The following LY96 variants were observed in gnomAD, a reference collection of about 807,000 sequenced individuals.
LY96 encodes lymphocyte antigen 96, also known as myeloid differentiation protein-2.
Under a neutral mutation model 18.9 loss-of-function variants are expected in LY96, and 18 were observed. The ratio of observed to expected loss-of-function variants is 0.95; its 90% confidence interval spans 0.66 to 1.41. The LOEUF (loss-of-function observed/expected upper bound fraction) is 1.41. Among genes scored for constraint, LY96 ranks in the 40% most tolerant of loss-of-function variants. The pLI is 0.00. For missense variants in LY96, 175 were observed against 182.4 expected (o/e 0.96, Z 0.23); for synonymous variants, 66 against 62.6 (o/e 1.06, Z -0.26).
downstream of LY96, among the ~76,000 whole-genome samples, chr8:74,029,840 A>G (rs1392158061): frequency 6.6e-6 from 1 of 152,038 alleles, no homozygotes; most frequent in African/African-American, 2.4e-5. Context: ...TTGTATTTTT[A>G]GTGGAGATGG....
the LY96 span, among the ~76,000 whole-genome samples, chr8:74,055,637 T>A: frequency 6.6e-6 from 1 of 152,154 alleles, no homozygotes; most frequent in East Asian, 1.9e-4. Flanking sequence ...ACTTTGCAGT[T>A]ATAATCAAGG....
the LY96 span, among the ~76,000 whole-genome samples, chr8:74,054,617 C>CTTCTTTTTTTCTTTCT: frequency 1.1e-4 from 8 of 70,098 alleles, no homozygotes; most frequent in African/African-American, 4.4e-4. Context: ...TTTCCTTTTC[C>CTTCTTTTTTTCTTTCT]TTCTTTCTTT....
At chr8:74,070,141 G>C in the LY96 span, among the ~76,000 whole-genome samples, 3 of 151,382 alleles carry the variant, frequency 2.0e-5, no homozygotes, top group Middle Eastern at 3.5e-3. Flanking sequence ...GCCCAGGCTA[G>C]AGTGCAGTGG....
At chr8:74,027,900 CCT>C (rs1465611991) in intron 4 of LY96, among the ~76,000 whole-genome samples, 1 of 152,144 alleles carries the variant, frequency 6.6e-6, no homozygotes, top group Non-Finnish European at 1.5e-5. Flanking sequence ...TATCTTGTCT[CCT>C]GCTAAATCAT....
the LY96 span, among the ~76,000 whole-genome samples, chr8:74,054,975 T>C: frequency 6.6e-6 from 1 of 152,108 alleles, no homozygotes; most frequent in Admixed American, 6.6e-5. Context: ...GGCCTGATCA[T>C]GACCTACTGC....
chr8:74,028,888 T>C, intron 4 of LY96, 68 bp from the exon 5 acceptor site: 1 of 948,388 alleles, frequency 1.1e-6, no homozygotes, highest in Non-Finnish European at 1.6e-6. Flanking sequence ...GAGAAAGTTC[T>C]TACAAAGCCT....
intron 3 of LY96, among the ~76,000 whole-genome samples, chr8:74,013,585 G>A (rs977354077): frequency 6.6e-6 from 1 of 151,996 alleles, no homozygotes; most frequent in African/African-American, 2.4e-5. Context: ...ATTGCTCCTG[G>A]ACATTTTTAA....
intron 3 of LY96, among the ~76,000 whole-genome samples, chr8:74,013,284 G>A (rs991523470): frequency 2.6e-5 from 4 of 151,852 alleles, no homozygotes; most frequent in Non-Finnish European, 4.4e-5. Context: ...CACCATGCCC[G>A]GCTAATTTTT....
chr8:74,064,796 A>G, the LY96 span, among the ~76,000 whole-genome samples: 1 of 152,262 alleles, frequency 6.6e-6, no homozygotes, highest in African/African-American at 2.4e-5. Context: ...TCAAAAATGC[A>G]AAAAGTGAGA....
intron 1 of LY96, among the ~76,000 whole-genome samples, chr8:73,994,982 T>G (rs540980510): frequency 1.2e-4 from 19 of 152,218 alleles, no homozygotes; most frequent in Non-Finnish European, 2.6e-4. Flanking sequence ...AAACTCATGT[T>G]GAAATTTAAT....
chr8:74,047,271 G>A, the LY96 span, among the ~76,000 whole-genome samples: 2 of 152,080 alleles, frequency 1.3e-5, no homozygotes, highest in Non-Finnish European at 2.9e-5. Context: ...TGCACTAGAG[G>A]GACTATTTCT....
the LY96 span, among the ~76,000 whole-genome samples, chr8:74,066,113 G>A: frequency 2.6e-5 from 4 of 151,996 alleles, no homozygotes; most frequent in Non-Finnish European, 4.4e-5. Context: ...TAGTTCTGGA[G>A]GCTGGGAAGT....
chr8:74,058,119 T>TTA, the LY96 span, among the ~76,000 whole-genome samples: 1 of 152,108 alleles, frequency 6.6e-6, no homozygotes, highest in Admixed American at 6.6e-5. Flanking sequence ...CTCTAGCATA[T>TTA]TAGATAGATG....
At chr8:74,037,233 C>T in the LY96 span, among the ~76,000 whole-genome samples, 5 of 152,220 alleles carry the variant, frequency 3.3e-5, no homozygotes, top group Non-Finnish European at 5.9e-5. Flanking sequence ...TAGATGTAAA[C>T]GAGGAATGTT....
chr8:74,071,087 A>C, the LY96 span, among the ~76,000 whole-genome samples: 49 of 152,292 alleles, frequency 3.2e-4, no homozygotes, highest in South Asian at 6.2e-4. Context: ...TTCCTCGGTC[A>C]CACAGCTAGC....
chr8:74,005,809 C>G (rs187689235), intron 2 of LY96, among the ~76,000 whole-genome samples: 16 of 152,156 alleles, frequency 1.1e-4, no homozygotes, highest in Non-Finnish European at 1.3e-4. Context: ...TTGTTTATTG[C>G]CTGTAAGCTC....
At chr8:74,005,313 G>A (rs1469722432) in intron 2 of LY96, among the ~76,000 whole-genome samples, 1 of 152,200 alleles carries the variant, frequency 6.6e-6, no homozygotes, top group Non-Finnish European at 1.5e-5. Context: ...GGGACAGTCA[G>A]CTAACTAGGC....
At chr8:74,078,230 T>C in the LY96 span, among the ~76,000 whole-genome samples, 11 of 152,294 alleles carry the variant, frequency 7.2e-5, no homozygotes, top group African/African-American at 2.4e-4. Flanking sequence ...ATTATGAAGA[T>C]CTGCCCTGGA....
the LY96 span, among the ~76,000 whole-genome samples, chr8:74,063,638 A>C: frequency 2.0e-5 from 3 of 152,120 alleles, no homozygotes; most frequent in Admixed American, 2.0e-4. Context: ...TTTTCTATAC[A>C]TGATTATAAT....
Sources: allele counts gnomAD v4.1 joint callset (sites outside exome capture counted in the v4.1 genomes callset), GRCh38; gene constraint gnomAD v4.1.1; transcripts MANE v1.5; gene names NCBI Gene and HGNC (gene_info 2026-07-23, HGNC 2026-07-21).